The following DPF3 variants were observed in gnomAD, a reference collection of about 807,000 sequenced individuals.
DPF3 encodes the protein double PHD fingers 3, also known as zinc finger protein DPF3.
DPF3 carries 18 observed loss-of-function variants against 56.8 expected under a neutral mutation model. The ratio of observed to expected loss-of-function variants is 0.32; its 90% confidence interval spans 0.22 to 0.47. The LOEUF (loss-of-function observed/expected upper bound fraction) is 0.47. Ranked by LOEUF, DPF3 falls within the 20% of genes least tolerant of loss-of-function variation. DPF3 has a pLI of 1.00. For synonymous variants in DPF3, 188 were observed against 180.2 expected (o/e 1.04, Z -0.35); for missense variants, 403 against 488.8 (o/e 0.82, Z 1.65).
At chr14:72,672,884 T>C (rs1054269394) in intron 8 of DPF3, among the ~76,000 whole-genome samples, 6 of 152,110 alleles carry the variant, frequency 3.9e-5, no homozygotes, top group African/African-American at 9.7e-5. Context: ...TGCTTGCTTT[T>C]AAAAAAACAC....
chr14:72,745,903 A>G (rs1457848238), intron 3 of DPF3, among the ~76,000 whole-genome samples: 1 of 152,228 alleles, frequency 6.6e-6, no homozygotes, highest in East Asian at 1.9e-4. Context: ...GAGGGAGGAC[A>G]TACCCCCAAA....
chr14:72,768,793 G>C (rs1386040518), intron 2 of DPF3, among the ~76,000 whole-genome samples: 1 of 152,136 alleles, frequency 6.6e-6, no homozygotes, highest in Admixed American at 6.5e-5. Context: ...CCTTAAAGGA[G>C]AGTAATTTGG....
In DPF3 at chr14:72,613,026, G is replaced by GTGTGTA. The variant is rs1440963698; in HGVS notation, c.*6265_*6270dup. Among the ~76,000 whole-genome samples, 1 of 137,474 alleles carries GTGTGTA rather than the reference G, an allele frequency of 7.3e-6. No homozygotes were observed. The highest frequency in any genetic ancestry group is 2.5e-5 in the African/African-American group (1 of 39,860). 90.2% of individuals were successfully genotyped at this position (137,474 alleles called of 152,430 possible). A position where few individuals can be genotyped will look rare whatever the true frequency, so the allele number is the denominator to read the frequency against. On this transcript the variant is annotated 3_prime_UTR_variant, in exon 11 of 11. Coordinates refer to ENST00000556509, the MANE Select transcript of DPF3 (RefSeq NM_001280542.3). ...TGTGTGTGTGTGTGTGTGTGTGTGT[G>GTGTGTA]TGTGTATGTGCGTGCGTGCACGCAC... is the stretch of plus-strand genomic sequence containing the variant.
chr14:72,779,433 C>G (rs1418701929), intron 1 of DPF3, among the ~76,000 whole-genome samples: 1 of 152,216 alleles, frequency 6.6e-6, no homozygotes, highest in Admixed American at 6.5e-5. Context: ...TTTCAAACTC[C>G]TCAGTGTAGA....
chr14:72,830,390 T>C (rs1884003566), intron 1 of DPF3, among the ~76,000 whole-genome samples: 1 of 152,226 alleles, frequency 6.6e-6, no homozygotes. Context: ...CAGTGAAAAC[T>C]ATCACAGACT....
chr14:72,708,278 C>T (rs1567207089), intron 6 of DPF3, among the ~76,000 whole-genome samples: 1 of 152,238 alleles, frequency 6.6e-6, no homozygotes, highest in Non-Finnish European at 1.5e-5. Context: ...CACCTGCAAC[C>T]TGTGTCCATG....
chr14:72,729,681 C>T (rs1268782385), intron 4 of DPF3, among the ~76,000 whole-genome samples: 1 of 152,122 alleles, frequency 6.6e-6, no homozygotes, highest in African/African-American at 2.4e-5. Context: ...TCTGAAAAGG[C>T]AACATACTGT....
chr14:72,844,565 C>T (rs1246262680), intron 1 of DPF3, among the ~76,000 whole-genome samples: 1 of 152,190 alleles, frequency 6.6e-6, no homozygotes, highest in Non-Finnish European at 1.5e-5. Flanking sequence ...AGCAGGATTA[C>T]AACATTTTTG....
intron 1 of DPF3, chr14:72,853,384 G>T (rs752587575): frequency 6.7e-6 from 1 of 150,292 alleles, no homozygotes; most frequent in Non-Finnish European, 1.5e-5. Flanking sequence ...GTTACTCTAA[G>T]ATCATCTATT....
In DPF3 at chr14:72,612,012, C is replaced by T. The variant is rs534095783; in HGVS notation, c.*7285G>A. On this transcript the variant is annotated 3_prime_UTR_variant, in exon 11 of 11. Coordinates refer to ENST00000556509, the MANE Select transcript of DPF3 (RefSeq NM_001280542.3). The stretch of plus-strand genomic sequence containing the variant: ...CATGCGGTTTATTTTCCAGCCCCTA[C>T]AGGACCTAGAGCATTGCCTCGCACA... Among the ~76,000 whole-genome samples, 28 of 152,216 alleles carry T rather than the reference C, an allele frequency of 1.8e-4. No homozygotes were observed. Among genetic ancestry groups the T allele is most frequent in the Admixed American group, 5.2e-4 (8 of 15,284 alleles).
intron 1 of DPF3, among the ~76,000 whole-genome samples, chr14:72,863,358 C>A (rs199917760): frequency 6.6e-6 from 1 of 151,550 alleles, no homozygotes; most frequent in South Asian, 2.1e-4. Context: ...CAGGTGCCAC[C>A]GACCTGAAGG....
intron 1 of DPF3, among the ~76,000 whole-genome samples, chr14:72,859,482 CCA>C (rs796166588): frequency 0.027 from 2,498 of 92,960 alleles, 107 homozygotes; most frequent in African/African-American, 0.092. Flanking sequence ...CCCCCCCCCC[CCA>C]CACCATTCCC....
intron 1 of DPF3, among the ~76,000 whole-genome samples, chr14:72,805,234 G>C (rs1714720500): frequency 6.6e-6 from 1 of 152,206 alleles, no homozygotes; most frequent in Non-Finnish European, 1.5e-5. Context: ...ACTTTGGGAG[G>C]GCGAGGTGGG....
chr14:72,721,013 A>G lies in DPF3; in HGVS notation c.525+2620T>C, dbSNP rs1230225386. Among the ~76,000 whole-genome samples the G allele has an allele frequency of 2.6e-5, 4 of 152,206 alleles. No individual in the cohort carries two copies. In the East Asian group the frequency reaches 7.7e-4, roughly 29 times the overall value. On this transcript the variant is annotated intron_variant, in intron 5 of 10. Transcript: ENST00000556509. ...ATGTTCTGCATTCCTTTTTCATACT[A>G]AGTCTTCAAAATTTCATATTTATTT... is the stretch of plus-strand genomic sequence containing the variant.
chr14:72,821,610 G>A (rs990125918), intron 1 of DPF3, among the ~76,000 whole-genome samples: 4 of 151,632 alleles, frequency 2.6e-5, no homozygotes, highest in Non-Finnish European at 4.4e-5. Context: ...ACCTTAGAAA[G>A]GAGTGAGATG....
chr14:72,724,454 C>T (rs1020500077), intron 4 of DPF3, among the ~76,000 whole-genome samples: 2 of 152,170 alleles, frequency 1.3e-5, no homozygotes, highest in Non-Finnish European at 1.5e-5. Context: ...TCAGGTTCAT[C>T]GGCTCAGGGT....
chr14:72,872,609 G>A (rs936588329), intron 1 of DPF3, among the ~76,000 whole-genome samples: 3 of 152,294 alleles, frequency 2.0e-5, no homozygotes, highest in East Asian at 3.9e-4. Context: ...AGCCCGCATT[G>A]CCAAGGCAAT....
chr14:72,731,647 A>C (rs1278741331), intron 4 of DPF3, 160 bp downstream of exon 4: 2 of 981,716 alleles, frequency 2.0e-6, no homozygotes, highest in East Asian at 5.3e-5. Context: ...GTTAAGTCAG[A>C]AAAGAATTTG....
rs1433301002 is a variant in DPF3, at chr14:72,614,654, C to T, written c.*4643G>A. 6.6e-6 allele frequency among the ~76,000 whole-genome samples: 1 copy of T among 151,812 alleles called. No homozygotes were observed. The highest frequency in any genetic ancestry group is 1.5e-5 in the Non-Finnish European group (1 of 67,966). On this transcript the variant is annotated 3_prime_UTR_variant, in exon 11 of 11. Coordinates refer to ENST00000556509, the MANE Select transcript of DPF3 (RefSeq NM_001280542.3). ...GCCCTCAGAAGCATCCCTGAAACCC[C>T]ACACAACCAACGGGCGGCCTCAAGA... is the stretch of plus-strand genomic sequence containing the variant.
Sources: allele counts gnomAD v4.1 joint callset (sites outside exome capture counted in the v4.1 genomes callset), GRCh38; gene constraint gnomAD v4.1.1; transcripts MANE v1.5; gene names NCBI Gene and HGNC (gene_info 2026-07-23, HGNC 2026-07-21).